Variants in ITGB2 observed in about 807,000 individuals in gnomAD.
ITGB2 encodes integrin subunit beta 2.
In ITGB2, 56 loss-of-function variants were observed where a neutral mutation model predicts 86.8. That is an observed-to-expected ratio of 0.65 (90% CI 0.52 to 0.81). The LOEUF (loss-of-function observed/expected upper bound fraction) is 0.81, where lower values mean the gene tolerates loss of function less well. Among genes scored for constraint, ITGB2 ranks in the 30% least tolerant of loss-of-function variants. ITGB2 has a pLI of 0.00. For synonymous variants in ITGB2, 457 were observed against 450.4 expected (o/e 1.01, Z -0.19); for missense variants, 948 against 1,061.2 (o/e 0.89, Z 1.48).
upstream of ITGB2, among the ~76,000 whole-genome samples, chr21:44,925,143 T>G (rs1348894866): frequency 6.6e-6 from 1 of 151,832 alleles, no homozygotes; most frequent in African/African-American, 2.4e-5. Flanking sequence ...ATATCTTTTT[T>G]TTTTTTTTAA....
Position 44,891,940 on chromosome 21 carries a change from G to A in ITGB2, c.1281C>T (p.Val427=), listed in dbSNP as rs1488428658. ...TGTCCGTGAAGCCCAGCGCCCGGAT[G>A]ACAAACGACTGCTCCTGGATGCACT... ...ATECIQEQSF[V]IRALGFTDIV... Residue 427 remains valine (V), a synonymous_variant, in exon 11 of 16, where the codon GTC becomes GTT. Transcript: ENST00000652462. 4.3e-6 allele frequency: 7 copies of A among 1,613,406 alleles called. No homozygotes were observed. The highest frequency in any genetic ancestry group is 1.6e-4 in the Middle Eastern group (1 of 6,062).
At chr21:44,922,642 C>A (rs1171825937), upstream of ITGB2, among the ~76,000 whole-genome samples, 3 of 138,678 alleles carry the variant, frequency 2.2e-5, no homozygotes, top group African/African-American at 2.8e-5. Context: ...CACTGCACTC[C>A]AGTCTGGGTA....
chr21:44,919,023 A>T (rs75817923), intron 1 of ITGB2, among the ~76,000 whole-genome samples: 2 of 144,870 alleles, frequency 1.4e-5, no homozygotes, highest in South Asian at 2.2e-4. Flanking sequence ...ACTCGGAGGC[A>T]CCTGCAGTTG....
chr21:44,912,294 G>GCTCGGGTGC (rs1432886678), intron 1 of ITGB2, among the ~76,000 whole-genome samples: 4 of 152,132 alleles, frequency 2.6e-5, no homozygotes, highest in African/African-American at 9.7e-5. Context: ...GGCCCGGGAG[G>GCTCGGGTGC]CTCGGGTGCC....
chr21:44,910,385 G>A lies in ITGB2; in HGVS notation c.59-13C>T, dbSNP rs2146546409. 1 of 1,614,110 alleles carries A rather than the reference G, an allele frequency of 6.2e-7. No homozygotes were observed. The highest frequency in any genetic ancestry group is 8.5e-7 in the Non-Finnish European group (1 of 1,180,004). ...TCCTGAGAGAGGACTGAGGGACGAG[G>A]CCGGCTGGTGAGTGGGTGCTCTGGG... On this transcript the variant is annotated splice_polypyrimidine_tract_variant and intron_variant, in intron 2 of 15. Transcript: ENST00000652462.
intron 3 of ITGB2, 57 bp from the exon 4 acceptor site, chr21:44,907,152 C>T: frequency 7.3e-7 from 1 of 1,375,436 alleles, no homozygotes. Flanking sequence ...CTGCAGGAGG[C>T]TGACTGGCCA....
intron 10 of ITGB2, chr21:44,893,035 G>A (rs992834638): frequency 9.5e-6 from 3 of 316,864 alleles, no homozygotes; most frequent in South Asian, 8.2e-5. Context: ...CCAGGTTGAT[G>A]AGTAGGACTC....
chr21:44,908,608 A>G (rs1430088951), intron 3 of ITGB2, among the ~76,000 whole-genome samples: 1 of 152,174 alleles, frequency 6.6e-6, no homozygotes, highest in African/African-American at 2.4e-5. Flanking sequence ...AGGGCTAGGA[A>G]TTTCTTTTTC....
chr21:44,910,765 G>T lies in ITGB2; in HGVS notation c.18C>A (p.Pro6=). The change falls in exon 2 of 16, where the codon CCC becomes CCA. Residue 6 remains proline, a synonymous_variant. Transcript: ENST00000652462. ...GCAGCCCCACCAGGGCGAGCAGTGG[G>T]GGGCGCAGGCCCAGCATGTCCTGTG... MLGLR[P]PLLALVGLLS... The T allele has an allele frequency of 6.2e-7, 1 of 1,613,886 alleles. No homozygotes were observed.
At chr21:44,913,356 G>T (rs920321641) in intron 1 of ITGB2, among the ~76,000 whole-genome samples, 2 of 152,184 alleles carry the variant, frequency 1.3e-5, no homozygotes, top group South Asian at 4.1e-4. Context: ...GAAACTGAGG[G>T]CCCCAGCAGC....
At chr21:44,924,042 G>A (rs1044534405), upstream of ITGB2, among the ~76,000 whole-genome samples, 3 of 152,088 alleles carry the variant, frequency 2.0e-5, no homozygotes, top group South Asian at 4.1e-4. Context: ...TTTGTGTGCC[G>A]AACTTCAAAA....
chr21:44,889,920 C>T (rs1457977647), intron 12 of ITGB2, 58 bp downstream of exon 12: 3 of 1,607,216 alleles, frequency 1.9e-6, no homozygotes, highest in Admixed American at 3.3e-5. Flanking sequence ...AACGCACCCC[C>T]CAACACCAAG....
At chr21:44,903,627 A>T (rs1357555048) in intron 4 of ITGB2, 92 bp from the exon 5 acceptor site, 1 of 1,468,210 alleles carries the variant, frequency 6.8e-7, no homozygotes, top group African/African-American at 1.4e-5. Context: ...GTGCACTGGC[A>T]CCCTCTCCTC....
chr21:44,920,470 G>A (rs1171646687), intron 1 of ITGB2, among the ~76,000 whole-genome samples: 2 of 152,170 alleles, frequency 1.3e-5, no homozygotes, highest in African/African-American at 4.8e-5. Context: ...CCGGGAACCT[G>A]CCTCCTGCCC....
chr21:44,906,166 C>CTCCCTCCCT (rs1217836613), intron 4 of ITGB2, among the ~76,000 whole-genome samples: 140 of 103,560 alleles, frequency 1.4e-3, no homozygotes, highest in African/African-American at 5.4e-3. Flanking sequence ...CCTCCCTTCC[C>CTCCCTCCCT]TCCCTCCCTT....
chr21:44,892,589 A>C (rs530801730), intron 10 of ITGB2, among the ~76,000 whole-genome samples: 214 of 138,266 alleles, frequency 1.5e-3, no homozygotes, highest in African/African-American at 5.9e-3. Context: ...TGGGCGACAG[A>C]GCGAAACTCC....
intron 8 of ITGB2, among the ~76,000 whole-genome samples, chr21:44,895,772 C>A (rs2083855572): frequency 6.6e-6 from 1 of 150,940 alleles, no homozygotes; most frequent in Admixed American, 6.6e-5. Flanking sequence ...GCGGAGGTCG[C>A]AATGAGCTGA....
At position 44,890,238 on chromosome 21, in the gene ITGB2, GC is replaced by G. The variant is rs778211925; in HGVS notation, c.1413-17del. 6.2e-7 allele frequency: 1 copy of G among 1,612,624 alleles called. No homozygotes were observed. Among genetic ancestry groups the G allele is most frequent in the African/African-American group, 1.3e-5 (1 of 75,032 alleles). ...AGTGTCACACCTGGGGACAGGAGGG[GC>G]CCCAAGGTCAGGCTCCCCCCAGTGA... On this transcript the variant is annotated splice_polypyrimidine_tract_variant and intron_variant, in intron 11 of 15. Transcript: ENST00000652462.
chr21:44,899,147 C>T lies in ITGB2; in HGVS notation c.913G>A (p.Gly305Ser), dbSNP rs1240794468. The stretch of plus-strand genomic sequence containing the variant: ...TCAGCCAGCTTGTGCGCCAGCTGGC[C>T]CACCGATGGGTAGTCCTGGAGAGAG... ...RSNEFDYPSV[G>S]QLAHKLAENN... is the part of the protein sequence containing the mutation. The change falls in exon 8 of 16, where the codon GGC (glycine) becomes AGC (serine). Residue 305 changes from glycine to serine, a missense_variant. Transcript: ENST00000652462. The T allele has an allele frequency of 2.5e-6, 4 of 1,613,714 alleles. No homozygotes were observed. Among genetic ancestry groups the T allele is most frequent in the Non-Finnish European group, 2.5e-6 (3 of 1,179,774 alleles).
Sources: gnomAD v4.1 joint callset for allele counts (sites outside exome capture counted in the v4.1 genomes callset) on GRCh38, gnomAD v4.1.1 for gene constraint, MANE v1.5 for transcripts, NCBI Gene and HGNC (gene_info 2026-07-23, HGNC 2026-07-21) for gene names.